Variants in ANKRD12 observed in about 807,000 individuals in gnomAD.
ANKRD12 encodes ankyrin repeat domain-containing protein 12.
ANKRD12 carries 85 observed loss-of-function variants against 183.4 expected under a neutral mutation model. That is an observed-to-expected ratio of 0.46 (90% confidence interval 0.39 to 0.56). ANKRD12 has a LOEUF of 0.56. Ranked by LOEUF, ANKRD12 falls within the 20% of genes least tolerant of loss-of-function variation. The probability of loss-of-function intolerance (pLI) is 0.00; values close to 1 mark genes in which losing one functional copy is unlikely to be tolerated. For missense variants in ANKRD12, 2,405 were observed against 2,357.1 expected, an observed-to-expected ratio of 1.02 and a Z score of -0.42; for synonymous variants, 914 against 800.2, an observed-to-expected ratio of 1.14 and a Z score of -2.40.
rs1445826702 is a variant in ANKRD12 at position 9,256,266 on chromosome 18, T to C, written c.2999T>C (p.Leu1000Pro). 2 of 1,603,712 alleles carry C rather than the reference T, an allele frequency of 1.2e-6. No homozygotes were observed. The highest frequency in any genetic ancestry group is 8.5e-7 in the Non-Finnish European group (1 of 1,177,010). ...NKAQHEKPLSLKEKTKDEPLK... is the reference protein window; with the variant it reads ...NKAQHEKPLSPKEKTKDEPLK... ...GCACAACATGAAAAACCCTTATCCCTTAAAGAAAAAACAAAAGATGAACCT... is the reference window on the plus strand; with the variant it reads ...GCACAACATGAAAAACCCTTATCCCCTAAAGAAAAAACAAAAGATGAACCT... The change falls in exon 9 of 13, where the codon CTT becomes CCT. Residue 1000 changes from leucine (L) to proline (P), a missense_variant. Coordinates refer to ENST00000262126, the MANE Select transcript of ANKRD12 (RefSeq NM_015208.5).
At chr18:9,277,326 T>C (rs1169171024) in intron 11 of ANKRD12, among the ~76,000 whole-genome samples, 2 of 144,350 alleles carry the variant, frequency 1.4e-5, no homozygotes, top group African/African-American at 2.6e-5. Context: ...TGTTTCTTTT[T>C]TTTTTTTTTT....
intron 8 of ANKRD12, among the ~76,000 whole-genome samples, chr18:9,241,603 A>G (rs1358121338): frequency 6.6e-6 from 1 of 152,202 alleles, no homozygotes; most frequent in Non-Finnish European, 1.5e-5. Flanking sequence ...TTAAATAGGC[A>G]CTTAGGTATC....
intron 1 of ANKRD12, among the ~76,000 whole-genome samples, chr18:9,164,372 A>C (rs1003921217): frequency 3.9e-5 from 6 of 152,112 alleles, no homozygotes; most frequent in African/African-American, 1.4e-4. Context: ...GGTGAAACCA[A>C]CTTGATTTTT....
In ANKRD12 at chr18:9,285,427, CAAAAAAAAAAA is replaced by C. The variant is rs58456955; in HGVS notation, c.*4314_*4324del. The C allele has an allele frequency of 7.5e-4, 41 of 54,576 alleles. No individual in the cohort carries two copies. The highest frequency in any genetic ancestry group is 1.4e-3 in the Admixed American group (7 of 4,896). 3.4% of individuals were successfully genotyped at this position (54,576 alleles called of 1,614,324 possible). The stretch of plus-strand genomic sequence containing the variant: ...GGCAACAAGAGTGAAACTCTGTCTC[CAAAAAAAAAAA>C]AAAAAAAAAAAAGTATATCACATAT... On this transcript the variant is annotated 3_prime_UTR_variant, in exon 13 of 13. Coordinates refer to ENST00000262126, the MANE Select transcript of ANKRD12 (RefSeq NM_015208.5).
In ANKRD12 at chr18:9,256,552, C is replaced by A; in HGVS notation, c.3285C>A (p.His1095Gln). The A allele has an allele frequency of 6.3e-7, 1 of 1,595,772 alleles. No homozygotes were observed. The highest frequency in any genetic ancestry group is 1.4e-5 in the African/African-American group (1 of 73,176). The change falls in exon 9 of 13, where the codon CAC becomes CAA. Residue 1095 changes from histidine (H) to glutamine (Q), a missense_variant. His to Gln is a conservative substitution (Grantham distance 24). Coordinates refer to ENST00000262126, the MANE Select transcript of ANKRD12 (RefSeq NM_015208.5). Reference sequence around the variant, plus strand: ...AAGACCTAGAAATAGAACAGTGGCACAAAAAACATAAGGAAAAAATTAAGC... The same window carrying A: ...AAGACCTAGAAATAGAACAGTGGCAAAAAAAACATAAGGAAAAAATTAAGC... ...SLKDLEIEQW[H>Q]KKHKEKIKQK...
intron 11 of ANKRD12, among the ~76,000 whole-genome samples, chr18:9,278,034 CCTCT>C (rs2039935564): frequency 6.6e-6 from 1 of 152,166 alleles, no homozygotes; most frequent in African/African-American, 2.4e-5. Context: ...GTGAGACAGG[CCTCT>C]CTCAAACCTT....
intron 1 of ANKRD12, among the ~76,000 whole-genome samples, chr18:9,162,408 C>T (rs1018191602): frequency 1.3e-5 from 2 of 152,160 alleles, no homozygotes; most frequent in African/African-American, 4.8e-5. Flanking sequence ...GCATAGTATT[C>T]TGTGGTGTAT....
Position 9,264,616 on chromosome 18 carries a change from A to G in ANKRD12, c.5763+728A>G, listed in dbSNP as rs2039171345. On this transcript the variant is annotated intron_variant, in intron 10 of 12. Coordinates refer to ENST00000262126, the MANE Select transcript of ANKRD12 (RefSeq NM_015208.5). ...CTCTTCTCAGAATGTTTTTAAATTTAAAAAATTCATAGAATTACAAAGAGA... is the reference window on the plus strand; with the variant it reads ...CTCTTCTCAGAATGTTTTTAAATTTGAAAAATTCATAGAATTACAAAGAGA... Among the ~76,000 whole-genome samples the G allele has an allele frequency of 2.6e-5, 4 of 152,234 alleles. No homozygotes were observed. In the South Asian group the frequency reaches 8.3e-4, roughly 32 times the overall value.
At chr18:9,182,592 A>AT in intron 2 of ANKRD12, 73 bp downstream of exon 2, 1 of 1,019,498 alleles carries the variant, frequency 9.8e-7, no homozygotes, top group South Asian at 1.7e-5. Context: ...ATTTTTAGTG[A>AT]TTTCTCGTAA....
chr18:9,186,857 T>G (rs2034109708), intron 2 of ANKRD12, among the ~76,000 whole-genome samples: 1 of 150,692 alleles, frequency 6.6e-6, no homozygotes, highest in South Asian at 2.1e-4. Flanking sequence ...GTTCACGCCA[T>G]TCTCCTGCCT....
intron 1 of ANKRD12, among the ~76,000 whole-genome samples, chr18:9,154,318 A>T (rs1031118521): frequency 6.6e-6 from 1 of 152,114 alleles, no homozygotes; most frequent in Non-Finnish European, 1.5e-5. Flanking sequence ...GCTACTTGGG[A>T]GGCTCAGGTG....
At chr18:9,271,558 G>A (rs2145415595) in intron 10 of ANKRD12, among the ~76,000 whole-genome samples, 1 of 152,172 alleles carries the variant, frequency 6.6e-6, no homozygotes, top group African/African-American at 2.4e-5. Flanking sequence ...GGGTCCCACT[G>A]TGTTGCCCAG....
Position 9,263,960 on chromosome 18 carries a change from A to G in ANKRD12, c.5763+72A>G, listed in dbSNP as rs962682607. On this transcript the variant is annotated intron_variant, in intron 10 of 12. Transcript: ENST00000262126. ...TAGCAATAAATTAAAATGGCCTATA[A>G]TTTTTTATTAGTGGATTTTTAAAAT... 3.5e-6 allele frequency: 4 copies of G among 1,143,058 alleles called. No individual in the cohort carries two copies. The African/African-American group carries it at 4.8e-5, about 14-fold the overall frequency. 70.8% of individuals were successfully genotyped at this position (1,143,058 alleles called of 1,614,324 possible).
intron 9 of ANKRD12, among the ~76,000 whole-genome samples, chr18:9,261,666 ATTAC>A (rs1178006861): frequency 6.6e-6 from 1 of 152,178 alleles, no homozygotes; most frequent in Non-Finnish European, 1.5e-5. Context: ...CAAAACCGCA[ATTAC>A]TTTTGCACCA....
At chr18:9,204,892 G>A (rs981144049) in intron 4 of ANKRD12, among the ~76,000 whole-genome samples, 6 of 152,132 alleles carry the variant, frequency 3.9e-5, no homozygotes, top group Admixed American at 1.3e-4. Flanking sequence ...CAAGTGTTTC[G>A]TTGTATACCC....
At position 9,257,836 on chromosome 18, in the gene ANKRD12, A is replaced by T; in HGVS notation, c.4569A>T (p.Gln1523His). The T allele has an allele frequency of 6.2e-7, 1 of 1,613,782 alleles. No individual in the cohort carries two copies. The highest frequency in any genetic ancestry group is 8.5e-7 in the Non-Finnish European group (1 of 1,179,928). Reference protein sequence around the residue: ...YVANQEPGILQQKNAVQIISS... With the variant: ...YVANQEPGILHQKNAVQIISS... ...CTAATCAAGAGCCAGGTATTTTACA[A>T]CAAAAAAATGCAGTTCAGATTATTA... Residue 1523 changes from glutamine to histidine, a missense_variant, in exon 9 of 13, where the codon CAA becomes CAT. Coordinates refer to ENST00000262126, the MANE Select transcript of ANKRD12 (RefSeq NM_015208.5).
chr18:9,257,256 G>A lies in ANKRD12; in HGVS notation c.3989G>A (p.Ser1330Asn), dbSNP rs139801157. The stretch of plus-strand genomic sequence containing the variant: ...CAATTCCAAACAATATCAGAAGAGA[G>A]CAATCAAGGTAGCTTATTAACTGTG... ...TKQFQTISEE[S>N]NQGSLLTVPG... The change falls in exon 9 of 13, where the codon AGC (serine) becomes AAC (asparagine). Residue 1330 changes from serine (S) to asparagine (N), a missense_variant. Ser to Asn is a conservative substitution (Grantham distance 46, BLOSUM62 1). Transcript: ENST00000262126. 28 of 1,613,980 alleles carry A rather than the reference G, an allele frequency of 1.7e-5. No individual in the cohort carries two copies. The highest frequency in any genetic ancestry group is 2.7e-5 in the African/African-American group (2 of 74,916).
At chr18:9,276,786 T>G (rs565567202) in intron 11 of ANKRD12, among the ~76,000 whole-genome samples, 1 of 152,176 alleles carries the variant, frequency 6.6e-6, no homozygotes, top group Non-Finnish European at 1.5e-5. Context: ...TATCTGAGGA[T>G]GCTATTAACA....
intron 8 of ANKRD12, among the ~76,000 whole-genome samples, chr18:9,223,314 C>A (rs143585235): frequency 6.6e-6 from 1 of 151,182 alleles, no homozygotes; most frequent in Non-Finnish European, 1.5e-5. Flanking sequence ...AGTGCAGTGG[C>A]GTGATCTCGG....
Sources: gnomAD v4.1 joint callset for allele counts (sites outside exome capture counted in the v4.1 genomes callset) on GRCh38, gnomAD v4.1.1 for gene constraint, MANE v1.5 for transcripts, NCBI Gene and HGNC (gene_info 2026-07-23, HGNC 2026-07-21) for gene names.